The following KATNAL2 variants were observed in gnomAD, a reference collection of about 807,000 sequenced individuals.
The protein encoded by KATNAL2 is katanin p60 ATPase-containing subunit A-like 2.
Under a neutral mutation model 76.3 loss-of-function variants are expected in KATNAL2, and 52 were observed. That is an observed-to-expected ratio of 0.68 (90% CI 0.55 to 0.86). The LOEUF is 0.86. Ranked by LOEUF, KATNAL2 falls within the 40% of genes least tolerant of loss-of-function variation. The probability of loss-of-function intolerance (pLI) is 0.00; values close to 1 mark genes in which losing one functional copy is unlikely to be tolerated. For missense variants in KATNAL2, 660 were observed against 668.9 expected (o/e 0.99, Z 0.15); for synonymous variants, 243 against 244.2 (o/e 1.00, Z 0.05).
At chr18:46,919,003 ATATATGTG>A (rs1330132099) in intron 1 of KATNAL2, among the ~76,000 whole-genome samples, 1 of 146,062 alleles carries the variant, frequency 6.8e-6, no homozygotes, top group African/African-American at 2.7e-5. Context: ...GTGTATATAT[ATATATGTG>A]TGTGTGTGTG....
intron 3 of KATNAL2, among the ~76,000 whole-genome samples, chr18:47,039,431 C>T (rs1418247647): frequency 6.6e-6 from 1 of 152,186 alleles, no homozygotes; most frequent in African/African-American, 2.4e-5. Flanking sequence ...CCAGTCCTCT[C>T]CTCCCTGCTT....
At chr18:47,062,552 T>G (rs1375608954) in intron 8 of KATNAL2, among the ~76,000 whole-genome samples, 1 of 152,102 alleles carries the variant, frequency 6.6e-6, no homozygotes, top group Non-Finnish European at 1.5e-5. Flanking sequence ...TCACACTTAT[T>G]TTGTACCCAG....
chr18:47,086,619 A>G (rs1399913470), intron 15 of KATNAL2, among the ~76,000 whole-genome samples: 1 of 152,162 alleles, frequency 6.6e-6, no homozygotes, highest in Non-Finnish European at 1.5e-5. Flanking sequence ...CCAGCCTGTT[A>G]TTCATCTTTA....
chr18:47,041,197 A>C (rs1334505624), intron 3 of KATNAL2, among the ~76,000 whole-genome samples: 1 of 152,182 alleles, frequency 6.6e-6, no homozygotes, highest in Non-Finnish European at 1.5e-5. Context: ...ATGAACCTAC[A>C]CTGGCATGAT....
chr18:47,034,735 G>C lies in KATNAL2; in HGVS notation c.52-11722G>C, dbSNP rs766491600. On this transcript the variant is annotated intron_variant, in intron 3 of 17. Transcript: ENST00000683218. Reference sequence around the variant, plus strand: ...CTCAGGGCCCTCGGGCATCCGGAGGGGAGCTGTGCGCGTTGGAGAGGCCCG... The same window carrying C: ...CTCAGGGCCCTCGGGCATCCGGAGGCGAGCTGTGCGCGTTGGAGAGGCCCG... 4 of 1,612,896 alleles carry C rather than the reference G, an allele frequency of 2.5e-6. No homozygotes were observed. In the African/African-American group the frequency reaches 5.3e-5, roughly 22 times the overall value.
chr18:47,089,102 C>A (rs940635511), intron 15 of KATNAL2, among the ~76,000 whole-genome samples: 7 of 152,170 alleles, frequency 4.6e-5, no homozygotes, highest in African/African-American at 1.7e-4. Flanking sequence ...ACCTTCTATG[C>A]CATTCTACAT....
At chr18:46,923,281 T>C (rs1205800408) in intron 1 of KATNAL2, among the ~76,000 whole-genome samples, 2 of 144,140 alleles carry the variant, frequency 1.4e-5, no homozygotes, top group African/African-American at 5.1e-5. Flanking sequence ...CCATGTGTTC[T>C]CATTGTTCAA....
At chr18:47,032,089 C>G (rs1392769733) in intron 3 of KATNAL2, among the ~76,000 whole-genome samples, 1 of 152,202 alleles carries the variant, frequency 6.6e-6, no homozygotes, top group African/African-American at 2.4e-5. Flanking sequence ...GATTCAGAAC[C>G]TAAATAAGCT....
At chr18:47,066,847 T>TTATATATATATATATA (rs56018747) in intron 10 of KATNAL2, among the ~76,000 whole-genome samples, 174 bp from the exon 11 acceptor site, 1 of 29,596 alleles carries the variant, frequency 3.4e-5, no homozygotes, top group Non-Finnish European at 6.5e-5. Flanking sequence ...ATATATGTGT[T>TTATATATATATATATA]TATATATATA....
chr18:47,062,932 T>G, intron 8 of KATNAL2, 40 bp from the exon 9 acceptor site: 1 of 1,503,208 alleles, frequency 6.7e-7, no homozygotes. Flanking sequence ...GAGTCTTCTC[T>G]TATGTTCTCA....
Position 47,064,380 on chromosome 18 carries a change from C to T in KATNAL2, c.726+1019C>T, listed in dbSNP as rs558592930. 3.3e-5 allele frequency among the ~76,000 whole-genome samples: 5 copies of T among 152,196 alleles called. No homozygotes were observed. In the South Asian group the frequency reaches 1.0e-3, roughly 32 times the overall value. ...CAGTTTGTGCACATGTCCTGTGGGC[C>T]ACCTAAGAAGCAGGGAGTGGTGGGG... On this transcript the variant is annotated intron_variant, in intron 10 of 17. Transcript: ENST00000683218.
At chr18:46,925,612 A>G (rs1157870762) in intron 1 of KATNAL2, among the ~76,000 whole-genome samples, 2 of 152,152 alleles carry the variant, frequency 1.3e-5, no homozygotes, top group Non-Finnish European at 2.9e-5. Context: ...TGAGTTATGG[A>G]GGATTCCCTC....
intron 15 of KATNAL2, among the ~76,000 whole-genome samples, chr18:47,081,426 G>C (rs2062515657): frequency 6.6e-6 from 1 of 152,106 alleles, no homozygotes; most frequent in African/African-American, 2.4e-5. Context: ...TTTAATATCA[G>C]TATAAAAATT....
At chr18:47,034,399 C>T (rs1479279083) in intron 3 of KATNAL2, 1 of 1,613,928 alleles carries the variant, frequency 6.2e-7, no homozygotes, top group Admixed American at 1.7e-5. Context: ...CTGGCCGCTG[C>T]CAGCTTGCCC....
chr18:47,055,238 C>T (rs2061439451), intron 6 of KATNAL2, among the ~76,000 whole-genome samples: 1 of 152,174 alleles, frequency 6.6e-6, no homozygotes, highest in Non-Finnish European at 1.5e-5. Context: ...TCTGGGGCAT[C>T]GCAACCTGTG....
In KATNAL2 at chr18:46,917,621, C is replaced by A; in HGVS notation, c.-815C>A. 1 of 915,244 alleles carries A rather than the reference C, an allele frequency of 1.1e-6. No homozygotes were observed. The highest frequency in any genetic ancestry group is 1.3e-6 in the Non-Finnish European group (1 of 760,348). The allele number at this position is 915,244 out of a possible 1,614,324, so 56.7% of individuals were successfully genotyped here. A position where few individuals can be genotyped will look rare whatever the true frequency, so the allele number is the denominator to read the frequency against. On this transcript the variant is annotated 5_prime_UTR_variant, in exon 1 of 18. Transcript: ENST00000683218. ...GCCTTCAGTCCGCGCGGCGACAGCG[C>A]CCGCCCGCGCCTGCCCCGGCGTGCT...
At chr18:47,095,650 C>G (rs2063200754) in intron 15 of KATNAL2, among the ~76,000 whole-genome samples, 1 of 152,236 alleles carries the variant, frequency 6.6e-6, no homozygotes, top group Non-Finnish European at 1.5e-5. Flanking sequence ...GTAACACAGA[C>G]AGCCTTCTGT....
intron 3 of KATNAL2, chr18:47,032,913 G>A (rs2060543708): frequency 2.5e-6 from 4 of 1,606,400 alleles, no homozygotes; most frequent in Non-Finnish European, 3.4e-6. Flanking sequence ...AAAGGTTCTG[G>A]TGTCCATTGG....
intron 15 of KATNAL2, among the ~76,000 whole-genome samples, chr18:47,087,239 T>A (rs918127647): frequency 6.6e-6 from 1 of 152,226 alleles, no homozygotes; most frequent in African/African-American, 2.4e-5. Flanking sequence ...ATAATTTATA[T>A]GCTTTATTAT....
Sources: gnomAD v4.1 joint callset for allele counts (sites outside exome capture counted in the v4.1 genomes callset) on GRCh38, gnomAD v4.1.1 for gene constraint, MANE v1.5 for transcripts, NCBI Gene and HGNC (gene_info 2026-07-23, HGNC 2026-07-21) for gene names.